Variants in WWOX observed in about 807,000 individuals in gnomAD.
WWOX encodes WW domain-containing oxidoreductase.
A neutral mutation model predicts 46.2 loss-of-function variants in WWOX; 69 were observed. The ratio of observed to expected loss-of-function variants is 1.49; its 90% CI spans 1.23 to 1.82. The LOEUF (loss-of-function observed/expected upper bound fraction) is 1.82. WWOX is among the 40% of genes most tolerant of loss of function. The pLI, the probability that WWOX is intolerant of heterozygous loss-of-function variation, is 0.00. For missense variants in WWOX, 919 were observed against 542.6 expected (o/e 1.69, Z -6.89); for synonymous variants, 359 against 202.6 (o/e 1.77, Z -6.56).
intron 1 of WWOX, chr16:78,100,253 T>C: frequency 9.1e-7 from 1 of 1,103,030 alleles, no homozygotes; most frequent in Non-Finnish European, 1.1e-6. Flanking sequence ...AGTTTTGTTG[T>C]GTTTTGTTTT....
intron 8 of WWOX, among the ~76,000 whole-genome samples, chr16:78,871,258 C>G (rs1464419832): frequency 6.6e-6 from 1 of 151,968 alleles, no homozygotes; most frequent in Non-Finnish European, 1.5e-5. Context: ...TTTTTCCCCC[C>G]ATGGCTTCGT....
At chr16:78,589,945 C>A (rs1220686122) in intron 8 of WWOX, among the ~76,000 whole-genome samples, 1 of 152,132 alleles carries the variant, frequency 6.6e-6, no homozygotes, top group Non-Finnish European at 1.5e-5. Context: ...AAGAACATTT[C>A]ATGATTAGTG....
At chr16:78,356,600 C>G (rs950280495) in intron 5 of WWOX, among the ~76,000 whole-genome samples, 1 of 152,092 alleles carries the variant, frequency 6.6e-6, no homozygotes, top group African/African-American at 2.4e-5. Flanking sequence ...ACAAAAGTTC[C>G]GGCTGGGCAC....
In WWOX at chr16:78,261,788, C is replaced by CTAGATATATATATA. The variant is rs1491587303; in HGVS notation, c.516+97501_516+97502insGATATATATATATA. On this transcript the variant is annotated intron_variant, in intron 5 of 8. Coordinates refer to ENST00000566780, the MANE Select transcript of WWOX (RefSeq NM_016373.4). ...TCTATCTATGTATCTATCTATCTAT[C>CTAGATATATATATA]TATATATATATATATATATATATAT... Among the ~76,000 whole-genome samples the CTAGATATATATATA allele has an allele frequency of 3.4e-3, 250 of 73,688 alleles. 1 individual carries two copies. The highest frequency in any genetic ancestry group is 0.014 in the African/African-American group (237 of 17,394). 48.3% of individuals were successfully genotyped at this position (73,688 alleles called of 152,430 possible).
At chr16:78,815,077 C>A (rs996018428) in intron 8 of WWOX, among the ~76,000 whole-genome samples, 2 of 152,234 alleles carry the variant, frequency 1.3e-5, no homozygotes, top group Non-Finnish European at 2.9e-5. Flanking sequence ...GTAATCCCAA[C>A]ACTTCGGGAG....
chr16:78,964,683 T>C (rs1209774954), intron 8 of WWOX, among the ~76,000 whole-genome samples: 2 of 152,230 alleles, frequency 1.3e-5, no homozygotes, highest in East Asian at 1.9e-4. Flanking sequence ...AACCTAATGT[T>C]AATCTCGAAG....
At chr16:79,056,258 G>T (rs900536911) in intron 8 of WWOX, among the ~76,000 whole-genome samples, 1 of 151,664 alleles carries the variant, frequency 6.6e-6, no homozygotes, top group Non-Finnish European at 1.5e-5. Context: ...TTCATTGGAG[G>T]TTACCCCAGA....
intron 8 of WWOX, among the ~76,000 whole-genome samples, chr16:79,019,574 G>GA (rs965006818): frequency 6.6e-6 from 1 of 151,954 alleles, no homozygotes; most frequent in African/African-American, 2.4e-5. Context: ...TCTTTTAGGG[G>GA]AAAAAACAAA....
chr16:78,405,486 A>T (rs1408759497), intron 6 of WWOX, among the ~76,000 whole-genome samples: 2 of 152,184 alleles, frequency 1.3e-5, no homozygotes, highest in Admixed American at 6.5e-5. Context: ...GCTGATACTG[A>T]TTTTATATGT....
intron 8 of WWOX, among the ~76,000 whole-genome samples, chr16:78,967,246 C>T (rs1567445170): frequency 6.6e-6 from 1 of 150,388 alleles, no homozygotes; most frequent in South Asian, 2.1e-4. Flanking sequence ...TGAATCTAGC[C>T]CCAAACAACT....
rs374253410 is a variant in WWOX at position 78,474,203 on chromosome 16, A to G, written c.1056+41451A>G. On this transcript the variant is annotated intron_variant, in intron 8 of 8. Transcript: ENST00000566780. ...CATTGTTCAAATTTTCATTACTAAC[A>G]CCTCTCACATTGTTAGAAAACAGTT... is the stretch of plus-strand genomic sequence containing the variant. Among the ~76,000 whole-genome samples the G allele has an allele frequency of 1.8e-4, 28 of 152,328 alleles. 1 individual carries two copies. In the East Asian group the frequency reaches 4.4e-3, roughly 24 times the overall value.
At chr16:78,797,018 G>A (rs1409155837) in intron 8 of WWOX, among the ~76,000 whole-genome samples, 2 of 151,836 alleles carry the variant, frequency 1.3e-5, no homozygotes, top group Non-Finnish European at 2.9e-5. Flanking sequence ...TAGTGCCGGG[G>A]TTTCACCATG....
chr16:78,922,008 C>T (rs2045390387), intron 8 of WWOX, among the ~76,000 whole-genome samples: 1 of 152,184 alleles, frequency 6.6e-6, no homozygotes, highest in Admixed American at 6.5e-5. Context: ...TTGTCCTCTA[C>T]CCATGACATC....
At chr16:78,327,822 C>G (rs2080662551) in intron 5 of WWOX, among the ~76,000 whole-genome samples, 1 of 147,572 alleles carries the variant, frequency 6.8e-6, no homozygotes, top group Non-Finnish European at 1.5e-5. Context: ...CCAGAGCTGG[C>G]TTTGGAAAGC....
intron 8 of WWOX, among the ~76,000 whole-genome samples, chr16:78,686,797 T>A (rs945471752): frequency 6.6e-6 from 1 of 152,200 alleles, no homozygotes; most frequent in South Asian, 2.1e-4. Flanking sequence ...CAGAGTTGAC[T>A]TGCAGAAACT....
intron 8 of WWOX, among the ~76,000 whole-genome samples, chr16:79,153,207 C>T (rs2050315188): frequency 6.6e-6 from 1 of 152,042 alleles, no homozygotes; most frequent in Non-Finnish European, 1.5e-5. Context: ...AGATTCAGGC[C>T]CAGCGTAGTG....
In WWOX at chr16:79,069,583, A is replaced by T. The variant is rs1487110596; in HGVS notation, c.1057-142025A>T. Among the ~76,000 whole-genome samples the T allele has an allele frequency of 2.4e-4, 37 of 151,572 alleles. 1 individual carries two copies. Among genetic ancestry groups the T allele is most frequent in the Admixed American group, 2.0e-3 (30 of 15,254 alleles). ...GTTTTTTTTTTTTTTTAAAGCTAAT[A>T]AACAGTGCTAGTGGAAAGTATGCTG... On this transcript the variant is annotated intron_variant, in intron 8 of 8. Coordinates refer to ENST00000566780, the MANE Select transcript of WWOX (RefSeq NM_016373.4).
chr16:78,714,398 C>G (rs1370222422), intron 8 of WWOX, among the ~76,000 whole-genome samples: 1 of 152,038 alleles, frequency 6.6e-6, no homozygotes. Context: ...TCTCGTGAGA[C>G]TTATTCACTG....
chr16:78,626,910 T>C (rs1381057381), intron 8 of WWOX, among the ~76,000 whole-genome samples: 1 of 152,200 alleles, frequency 6.6e-6, no homozygotes, highest in Non-Finnish European at 1.5e-5. Flanking sequence ...GATGGAACAA[T>C]TTGGTCTTCA....
Sources: gnomAD v4.1 joint callset for allele counts (sites outside exome capture counted in the v4.1 genomes callset) on GRCh38, gnomAD v4.1.1 for gene constraint, MANE v1.5 for transcripts, NCBI Gene and HGNC (gene_info 2026-07-23, HGNC 2026-07-21) for gene names.